The following ARHGAP44 variants were observed in gnomAD, a reference collection of about 807,000 sequenced individuals.
ARHGAP44 encodes rho GTPase-activating protein 44.
Under a neutral mutation model 106.8 loss-of-function variants are expected in ARHGAP44, and 43 were observed. That is an observed-to-expected ratio of 0.40 (90% CI 0.32 to 0.52). The LOEUF (loss-of-function observed/expected upper bound fraction) is 0.52. ARHGAP44 is among the 20% of genes least tolerant of loss of function. The pLI is 0.48. For missense variants in ARHGAP44, 866 were observed against 1,050.5 expected (o/e 0.82, Z 2.43); for synonymous variants, 439 against 410.3 (o/e 1.07, Z -0.85).
chr17:12,954,680 T>C (rs1451746716), intron 13 of ARHGAP44, among the ~76,000 whole-genome samples: 1 of 151,870 alleles, frequency 6.6e-6, no homozygotes, highest in Non-Finnish European at 1.5e-5. Flanking sequence ...CAGCCTATTG[T>C]AACTGAGAGG....
At position 12,826,801 on chromosome 17, in the gene ARHGAP44, C is replaced by T. The variant is rs550650412; in HGVS notation, c.53+36910C>T. 6.6e-4 allele frequency among the ~76,000 whole-genome samples: 100 copies of T among 152,178 alleles called. 2 individuals carry two copies. The highest frequency in any genetic ancestry group is 1.4e-3 in the Non-Finnish European group (93 of 68,044). On this transcript the variant is annotated intron_variant, in intron 1 of 20. Coordinates refer to ENST00000379672, the MANE Select transcript of ARHGAP44 (RefSeq NM_014859.6). Reference sequence around the variant, plus strand: ...ATCCTTTTTATTTGTCCATTTCTTACAACAAGCCTTTATGGGCTCATGCCA... The same window carrying T: ...ATCCTTTTTATTTGTCCATTTCTTATAACAAGCCTTTATGGGCTCATGCCA...
chr17:12,967,580 G>T (rs1401842403), intron 16 of ARHGAP44, among the ~76,000 whole-genome samples: 1 of 152,006 alleles, frequency 6.6e-6, no homozygotes, highest in Non-Finnish European at 1.5e-5. Context: ...CTCACTTCGA[G>T]TAAAAGGAAT....
chr17:12,882,204 T>C lies in ARHGAP44; in HGVS notation c.54-12736T>C, dbSNP rs573554553. Among the ~76,000 whole-genome samples, 6 of 152,316 alleles carry C rather than the reference T, an allele frequency of 3.9e-5. No individual in the cohort carries two copies. The South Asian group carries it at 1.0e-3, about 26-fold the overall frequency. On this transcript the variant is annotated intron_variant, in intron 1 of 20. Coordinates refer to ENST00000379672, the MANE Select transcript of ARHGAP44 (RefSeq NM_014859.6). ...TTTAAATTTTTCCCTATGAAGACATTGCTCATCTTTTGTTAAATTTATTTC... is the reference window on the plus strand; with the variant it reads ...TTTAAATTTTTCCCTATGAAGACATCGCTCATCTTTTGTTAAATTTATTTC...
intron 15 of ARHGAP44, 83 bp downstream of exon 15, chr17:12,956,829 C>A (rs1417074859): frequency 8.4e-7 from 1 of 1,193,596 alleles, no homozygotes; most frequent in Non-Finnish European, 1.2e-6. Context: ...AAGCCAAGTA[C>A]CACTGCCCAC....
chr17:12,904,739 G>T (rs912083145), intron 3 of ARHGAP44, among the ~76,000 whole-genome samples: 29 of 152,062 alleles, frequency 1.9e-4, no homozygotes, highest in African/African-American at 7.0e-4. Flanking sequence ...AAAAGTAGAC[G>T]CACACACATG....
intron 7 of ARHGAP44, among the ~76,000 whole-genome samples, chr17:12,929,581 G>GC (rs780965429): frequency 1.3e-5 from 2 of 152,208 alleles, no homozygotes; most frequent in Non-Finnish European, 2.9e-5. Flanking sequence ...TCTGAAAACT[G>GC]CGACTCTGTA....
At chr17:12,886,190 T>A (rs1211781182) in intron 1 of ARHGAP44, among the ~76,000 whole-genome samples, 1 of 152,150 alleles carries the variant, frequency 6.6e-6, no homozygotes. Flanking sequence ...TTTCCACTGA[T>A]CTGGGTTTCT....
At chr17:12,848,292 T>A (rs1468995903) in intron 1 of ARHGAP44, among the ~76,000 whole-genome samples, 2 of 152,166 alleles carry the variant, frequency 1.3e-5, no homozygotes, top group Admixed American at 6.5e-5. Context: ...AGTGCCATTT[T>A]TTTTCCCGAA....
intron 16 of ARHGAP44, among the ~76,000 whole-genome samples, chr17:12,971,105 T>A (rs2039517584): frequency 6.6e-6 from 1 of 152,208 alleles, no homozygotes; most frequent in Admixed American, 6.5e-5. Context: ...CGTGATTGCA[T>A]ATGGCACTGT....
intron 1 of ARHGAP44, among the ~76,000 whole-genome samples, chr17:12,861,644 C>CCTTTTTTTTTTT (rs113766926): frequency 1.5e-5 from 1 of 67,754 alleles, no homozygotes; most frequent in African/African-American, 4.9e-5. Flanking sequence ...TCCTCTTCCA[C>CCTTTTTTTTTTT]TTTTTTTTTT....
In ARHGAP44 at chr17:12,908,416, C is replaced by T. The variant is rs183412982; in HGVS notation, c.199-481C>T. Among the ~76,000 whole-genome samples, 92 of 152,146 alleles carry T rather than the reference C, an allele frequency of 6.0e-4. 1 individual carries two copies. In the East Asian group the frequency reaches 0.014, roughly 23 times the overall value. On this transcript the variant is annotated intron_variant, in intron 3 of 20. Coordinates refer to ENST00000379672, the MANE Select transcript of ARHGAP44 (RefSeq NM_014859.6). ...TTCACCATGTTGGCCAGGTCGGTCT[C>T]GAACTCCTGACCTCAGGTGATCCAC...
At chr17:12,829,579 T>G (rs1336045060) in intron 1 of ARHGAP44, among the ~76,000 whole-genome samples, 1 of 152,210 alleles carries the variant, frequency 6.6e-6, no homozygotes, top group Non-Finnish European at 1.5e-5. Flanking sequence ...GGAAGTTCTA[T>G]TTGTTAGTGG....
rs866494908 is a variant in ARHGAP44 at position 12,930,251 on chromosome 17, G to A, written c.582+1205G>A. On this transcript the variant is annotated intron_variant, in intron 7 of 20. Coordinates refer to ENST00000379672, the MANE Select transcript of ARHGAP44 (RefSeq NM_014859.6). ...TTTCTCTCTCTCTCTTTTTTTTTTT[G>A]AGGCAGAGTTTCGTTCTTGTTGCCC... 2.2e-5 allele frequency among the ~76,000 whole-genome samples: 3 copies of A among 134,046 alleles called. No individual in the cohort carries two copies. The South Asian group carries it at 7.4e-4, about 33-fold the overall frequency. The allele number at this position is 134,046 out of a possible 152,430, so 87.9% of individuals were successfully genotyped here.
chr17:12,974,539 G>T (rs2039623697), intron 18 of ARHGAP44, among the ~76,000 whole-genome samples: 1 of 152,096 alleles, frequency 6.6e-6, no homozygotes, highest in Admixed American at 6.6e-5. Flanking sequence ...CAAGCAAGCA[G>T]AAGGTGGCAG....
intron 1 of ARHGAP44, among the ~76,000 whole-genome samples, chr17:12,811,857 C>T (rs1442336926): frequency 6.6e-6 from 1 of 152,188 alleles, no homozygotes; most frequent in East Asian, 1.9e-4. Flanking sequence ...ATCTCTGCGT[C>T]CCTTCTCCTC....
rs567094466 is a variant in ARHGAP44 at position 12,917,991 on chromosome 17, A to G, written c.388-1764A>G. 2.0e-5 allele frequency among the ~76,000 whole-genome samples: 3 copies of G among 152,266 alleles called. No homozygotes were observed. In the South Asian group the frequency reaches 6.2e-4, roughly 32 times the overall value. ...GGGCCGGTAATTACTTATGGACCTG[A>G]AACTATTCAAGGAGAAAATCGTGGA... On this transcript the variant is annotated intron_variant, in intron 5 of 20. Transcript: ENST00000379672.
chr17:12,943,781 C>T, intron 9 of ARHGAP44, 112 bp downstream of exon 9: 1 of 1,169,362 alleles, frequency 8.6e-7, no homozygotes, highest in East Asian at 2.4e-5. Context: ...AACAGCATCA[C>T]CTGTAGATGA....
At chr17:12,902,297 G>T (rs560449391) in intron 3 of ARHGAP44, among the ~76,000 whole-genome samples, 1 of 152,162 alleles carries the variant, frequency 6.6e-6, no homozygotes, top group South Asian at 2.1e-4. Flanking sequence ...TCTATCCTCC[G>T]CAGGGAATGC....
intron 4 of ARHGAP44, among the ~76,000 whole-genome samples, chr17:12,912,901 G>A (rs1391756753): frequency 1.3e-5 from 2 of 152,130 alleles, no homozygotes; most frequent in East Asian, 3.9e-4. Flanking sequence ...TTCTCAGCAA[G>A]CTAAAGCAAG....
Sources: allele counts gnomAD v4.1 joint callset (sites outside exome capture counted in the v4.1 genomes callset), GRCh38; gene constraint gnomAD v4.1.1; transcripts MANE v1.5; gene names NCBI Gene and HGNC (gene_info 2026-07-23, HGNC 2026-07-21).